Variants in AMMECR1 observed in about 807,000 individuals in gnomAD.
The protein encoded by AMMECR1 is AMMECR nuclear protein 1.
Under a neutral mutation model 22.5 loss-of-function variants are expected in AMMECR1, and 3 were observed. That is an observed-to-expected ratio of 0.13 (90% confidence interval 0.06 to 0.35). The LOEUF is 0.35. Among genes scored for constraint, AMMECR1 ranks in the 10% least tolerant of loss-of-function variants. The pLI is 1.00. For missense variants in AMMECR1, 235 were observed against 278.7 expected (o/e 0.84, Z 1.12); for synonymous variants, 130 against 116.7 (o/e 1.11, Z -0.74).
intron 2 of AMMECR1, among the ~76,000 whole-genome samples, chrX:110,400,731 T>A (rs775780158): frequency 2.7e-5 from 3 of 112,122 alleles, no homozygotes; most frequent in Admixed American, 9.5e-5. Flanking sequence ...TGAATTTATC[T>A]CTATTATAAT....
chrX:110,438,308 C>T (rs1202824207), intron 1 of AMMECR1, among the ~76,000 whole-genome samples: 2 of 111,657 alleles, frequency 1.8e-5, no homozygotes, highest in African/African-American at 3.3e-5. Context: ...CCCTTGGGAG[C>T]GGATGGAGAG....
At chrX:110,301,390 A>C (rs747538081) in intron 1 of AMMECR1, among the ~76,000 whole-genome samples, 6 of 112,527 alleles carry the variant, frequency 5.3e-5, no homozygotes, top group Non-Finnish European at 1.1e-4. Context: ...AAAGTCAGCC[A>C]CCTCAGGCAG....
At chrX:110,336,690 C>A (rs960399303) in intron 2 of AMMECR1, among the ~76,000 whole-genome samples, 1 of 109,283 alleles carries the variant, frequency 9.2e-6, no homozygotes, top group African/African-American at 3.3e-5. Context: ...CAGAGCAAGA[C>A]TCCGTCTCAA....
chrX:110,251,249 GT>G (rs1171451651), intron 2 of AMMECR1, among the ~76,000 whole-genome samples: 1 of 111,797 alleles, frequency 8.9e-6, no homozygotes, highest in Non-Finnish European at 1.9e-5. Flanking sequence ...ATAATCCAGT[GT>G]GTTAAGTGTT....
chrX:110,334,659 G>T (rs899911390), intron 2 of AMMECR1, among the ~76,000 whole-genome samples: 3 of 111,950 alleles, frequency 2.7e-5, no homozygotes, highest in African/African-American at 9.7e-5. Context: ...ATTTTCTTGT[G>T]TTTAATCGCT....
rs2067372455 is a variant in AMMECR1 at position 110,196,557 on chromosome X, T to C, written c.*1963A>G. 1 of 110,978 alleles carries C rather than the reference T, an allele frequency of 9.0e-6. No individual in the cohort carries two copies. Among genetic ancestry groups the C allele is most frequent in the Non-Finnish European group, 1.9e-5 (1 of 52,926 alleles). 9.1% of individuals were successfully genotyped at this position (110,978 alleles called of 1,213,427 possible). A position where few individuals can be genotyped will look rare whatever the true frequency, so the allele number is the denominator to read the frequency against. ...TGCTCCCAAGTAGAAATGACAGGAC[T>C]CAAAATCCCTTTCTAAAGCCCAACA... On this transcript the variant is annotated 3_prime_UTR_variant, in exon 6 of 6. Transcript: ENST00000262844.
chrX:110,244,770 G>C (rs1176263357), intron 2 of AMMECR1, among the ~76,000 whole-genome samples: 1 of 112,126 alleles, frequency 8.9e-6, no homozygotes, highest in Non-Finnish European at 1.9e-5. Flanking sequence ...TGATATAAAT[G>C]AGAAGGAAGA....
At chrX:110,422,743 G>T (rs1373992573) in intron 2 of AMMECR1, among the ~76,000 whole-genome samples, 2 of 111,919 alleles carry the variant, frequency 1.8e-5, no homozygotes, top group African/African-American at 6.5e-5. Flanking sequence ...TTCCAAGAGG[G>T]TCTCTGATGG....
At chrX:110,373,955 G>T (rs944892747) in intron 2 of AMMECR1, among the ~76,000 whole-genome samples, 1 of 111,509 alleles carries the variant, frequency 9.0e-6, no homozygotes, top group African/African-American at 3.3e-5. Context: ...AAATAGAGCC[G>T]AGATAATCAT....
chrX:110,217,803 T>C (rs2067481428), intron 2 of AMMECR1, among the ~76,000 whole-genome samples: 1 of 111,350 alleles, frequency 9.0e-6, no homozygotes, highest in Admixed American at 9.6e-5. Context: ...ACTTTCTCAC[T>C]GCTGAATTTT....
intron 2 of AMMECR1, among the ~76,000 whole-genome samples, chrX:110,386,715 G>T (rs1242229140): frequency 8.9e-6 from 1 of 111,788 alleles, no homozygotes; most frequent in Non-Finnish European, 1.9e-5. Context: ...GTATTAGAAA[G>T]AATGAGATCT....
chrX:110,410,215 G>C (rs928693178), intron 2 of AMMECR1, among the ~76,000 whole-genome samples: 1 of 111,461 alleles, frequency 9.0e-6, no homozygotes, highest in African/African-American at 3.3e-5. Flanking sequence ...CCCTGTATTG[G>C]TGGTGGGACG....
intron 2 of AMMECR1, among the ~76,000 whole-genome samples, chrX:110,379,091 A>T (rs2068399973): frequency 8.9e-6 from 1 of 111,980 alleles, no homozygotes; most frequent in Non-Finnish European, 1.9e-5. Context: ...TGATTTTTTA[A>T]GAACATGCTA....
chrX:110,356,058 G>A (rs1469774979), intron 2 of AMMECR1, among the ~76,000 whole-genome samples: 3 of 110,419 alleles, frequency 2.7e-5, no homozygotes, highest in Non-Finnish European at 5.7e-5. Flanking sequence ...ACAGAAAGGT[G>A]GTTACCAGAG....
intron 3 of AMMECR1, among the ~76,000 whole-genome samples, chrX:110,215,291 A>C (rs750281026): frequency 8.9e-6 from 1 of 111,801 alleles, no homozygotes; most frequent in African/African-American, 3.3e-5. Context: ...CCCACCCCCT[A>C]AAACTTTTTA....
intron 2 of AMMECR1, among the ~76,000 whole-genome samples, chrX:110,335,987 G>T (rs899156403): frequency 9.0e-6 from 1 of 111,721 alleles, no homozygotes; most frequent in Admixed American, 9.5e-5. Flanking sequence ...GTCAGAAAAA[G>T]GTCAGAGAGA....
At position 110,200,984 on chromosome X, in the gene AMMECR1, T is replaced by C; in HGVS notation, c.857A>G (p.Asn286Ser). 8.3e-7 allele frequency: 1 copy of C among 1,208,714 alleles called. No individual in the cohort carries two copies. Among genetic ancestry groups the C allele is most frequent in the Non-Finnish European group, 1.1e-6 (1 of 892,964 alleles). Residue 286 changes from asparagine to serine, a missense_variant, in exon 5 of 6, where the codon AAT becomes AGT. Around this residue, in one of 2 missense-constraint regions of AMMECR1, gnomAD observed 111 missense variants for 181.7 expected, o/e 0.61. Coordinates refer to ENST00000262844, the MANE Select transcript of AMMECR1 (RefSeq NM_015365.3). ...CAGTTTTATGGTTTTCCTGAATTCA[T>C]TAGTAATCGGAGCTTTGTATCCTCC... is the stretch of plus-strand genomic sequence containing the variant. ...RKGGYKAPIT[N>S]EFRKTIKLTR...
intron 3 of AMMECR1, among the ~76,000 whole-genome samples, chrX:110,208,073 CTCTTA>C (rs1383122503): frequency 1.8e-5 from 2 of 112,375 alleles, no homozygotes; most frequent in African/African-American, 6.5e-5. Flanking sequence ...CTAGAGATAA[CTCTTA>C]TCTTAGTGAC....
Position 110,214,079 on chromosome X carries a change from C to T in AMMECR1, c.699+2439G>A, listed in dbSNP as rs181480439. 7.3e-5 allele frequency among the ~76,000 whole-genome samples: 8 copies of T among 110,131 alleles called. No homozygotes were observed. In the East Asian group the frequency reaches 8.6e-4, roughly 12 times the overall value. The stretch of plus-strand genomic sequence containing the variant: ...GAGATCGAGACCATCCTGGATAACA[C>T]GGTGAAACCCCATCTCTACTAAAAA... On this transcript the variant is annotated intron_variant, in intron 3 of 5. Coordinates refer to ENST00000262844, the MANE Select transcript of AMMECR1 (RefSeq NM_015365.3).
Sources: gnomAD v4.1 joint callset for allele counts (sites outside exome capture counted in the v4.1 genomes callset) on GRCh38, gnomAD v4.1.1 for gene constraint, gnomAD v4.1.1 regional missense constraint, MANE v1.5 for transcripts, NCBI Gene and HGNC (gene_info 2026-07-23, HGNC 2026-07-21) for gene names.